The following GRIK2 variants were observed in gnomAD, a reference collection of about 807,000 sequenced individuals.
GRIK2 encodes glutamate ionotropic receptor kainate type subunit 2.
A neutral mutation model predicts 100.3 loss-of-function variants in GRIK2; 32 were observed. The observed-to-expected ratio is 0.32, with a 90% CI of 0.24 to 0.43. GRIK2 has a LOEUF of 0.43. GRIK2 is among the 20% of genes least tolerant of loss of function. GRIK2 has a pLI of 1.00. For synonymous variants in GRIK2, 417 were observed against 389.4 expected (o/e 1.07, Z -0.83); for missense variants, 843 against 1,114.9 (o/e 0.76, Z 3.47).
At chr6:101,976,338 A>G (rs1200813435) in intron 14 of GRIK2, among the ~76,000 whole-genome samples, 1 of 151,920 alleles carries the variant, frequency 6.6e-6, no homozygotes, top group Admixed American at 6.6e-5. Context: ...GATTGTTTAG[A>G]TGAGTGTGAC....
chr6:101,502,883 TATAA>T (rs1773836085), intron 2 of GRIK2, among the ~76,000 whole-genome samples: 1 of 152,136 alleles, frequency 6.6e-6, no homozygotes, highest in Admixed American at 6.6e-5. Flanking sequence ...TACTCTAGAG[TATAA>T]ATAAATTCTA....
At chr6:101,520,322 A>C (rs1457743840) in intron 2 of GRIK2, among the ~76,000 whole-genome samples, 1 of 150,766 alleles carries the variant, frequency 6.6e-6, no homozygotes, top group Non-Finnish European at 1.5e-5. Context: ...TTTTTCTTTC[A>C]TGCATTAGGC....
chr6:101,898,106 G>A (rs1397987738), intron 12 of GRIK2, among the ~76,000 whole-genome samples: 1 of 151,744 alleles, frequency 6.6e-6, no homozygotes, highest in African/African-American at 2.4e-5. Flanking sequence ...ATTAGTAACT[G>A]TGTGTTTTTA....
chr6:101,551,369 A>G (rs941597618), intron 2 of GRIK2, among the ~76,000 whole-genome samples: 1 of 152,104 alleles, frequency 6.6e-6, no homozygotes, highest in Non-Finnish European at 1.5e-5. Context: ...TTTGAATGCC[A>G]TTCTAGGTAT....
chr6:101,441,033 A>G (rs576418518), intron 2 of GRIK2, among the ~76,000 whole-genome samples: 38 of 148,176 alleles, frequency 2.6e-4, no homozygotes, highest in African/African-American at 9.5e-4. Context: ...GACAGATTGC[A>G]GTGTTGCAAT....
intron 11 of GRIK2, among the ~76,000 whole-genome samples, chr6:101,883,896 A>G (rs1786436807): frequency 1.3e-5 from 2 of 152,170 alleles, no homozygotes; most frequent in Admixed American, 6.6e-5. Context: ...TTTGTAGGCA[A>G]ACATGTTCTA....
At chr6:101,931,279 A>G (rs574246148) in intron 14 of GRIK2, among the ~76,000 whole-genome samples, 1 of 152,262 alleles carries the variant, frequency 6.6e-6, no homozygotes, top group Admixed American at 6.5e-5. Flanking sequence ...TAGTGTATTT[A>G]CATTTTATAC....
intron 5 of GRIK2, among the ~76,000 whole-genome samples, chr6:101,679,209 A>G (rs1771063632): frequency 6.6e-6 from 1 of 152,190 alleles, no homozygotes; most frequent in Non-Finnish European, 1.5e-5. Context: ...AAAATCCTAC[A>G]GTGGTGTGAA....
intron 2 of GRIK2, among the ~76,000 whole-genome samples, chr6:101,402,753 G>T (rs1285818794): frequency 6.6e-6 from 1 of 152,198 alleles, no homozygotes; most frequent in South Asian, 2.1e-4. Context: ...AGCAGAGCCT[G>T]CGACTCTCCC....
chr6:101,778,615 A>G (rs1388106773), intron 7 of GRIK2, among the ~76,000 whole-genome samples: 1 of 152,168 alleles, frequency 6.6e-6, no homozygotes, highest in Non-Finnish European at 1.5e-5. Flanking sequence ...ATTCCAAAAG[A>G]ATGACTTCTC....
chr6:101,794,926 C>T lies in GRIK2; in HGVS notation c.952-4722C>T, dbSNP rs117391713. Among the ~76,000 whole-genome samples, 15 of 149,440 alleles carry T rather than the reference C, an allele frequency of 1.0e-4. No individual in the cohort carries two copies. The East Asian group carries it at 1.6e-3, about 16-fold the overall frequency. On this transcript the variant is annotated intron_variant, in intron 7 of 16. Transcript: ENST00000369134. Reference sequence around the variant, plus strand: ...TGTCACCCAGTCTGGAATGCAGTGGCGCCATCTTGGCTGACTGCAACTTCT... The same window carrying T: ...TGTCACCCAGTCTGGAATGCAGTGGTGCCATCTTGGCTGACTGCAACTTCT...
chr6:101,710,342 G>T (rs148974587), intron 7 of GRIK2, among the ~76,000 whole-genome samples: 78 of 151,940 alleles, frequency 5.1e-4, no homozygotes, highest in African/African-American at 1.8e-3. Context: ...GGAATGGTGA[G>T]TTGAACTTCT....
At chr6:101,536,940 A>C (rs1315125826) in intron 2 of GRIK2, among the ~76,000 whole-genome samples, 2 of 151,784 alleles carry the variant, frequency 1.3e-5, no homozygotes, top group African/African-American at 4.8e-5. Flanking sequence ...CATTAGGAAT[A>C]AAAGATAAAA....
At chr6:101,985,196 A>T (rs531814131) in intron 14 of GRIK2, among the ~76,000 whole-genome samples, 1 of 151,758 alleles carries the variant, frequency 6.6e-6, no homozygotes, top group Non-Finnish European at 1.5e-5. Context: ...ATGAAAAAAA[A>T]GTAGGCCAAA....
chr6:101,409,303 GT>G (rs1223216368), intron 2 of GRIK2, among the ~76,000 whole-genome samples: 12 of 152,030 alleles, frequency 7.9e-5, no homozygotes, highest in Admixed American at 6.6e-5. Flanking sequence ...GCAATTGGCT[GT>G]AACATATAGC....
At chr6:101,497,533 G>A (rs1773511342) in intron 2 of GRIK2, among the ~76,000 whole-genome samples, 1 of 151,630 alleles carries the variant, frequency 6.6e-6, no homozygotes, top group Non-Finnish European at 1.5e-5. Flanking sequence ...TTTTAAATAA[G>A]GTGATAACAT....
intron 7 of GRIK2, among the ~76,000 whole-genome samples, chr6:101,726,411 A>G (rs878994635): frequency 8.6e-5 from 13 of 152,020 alleles, no homozygotes; most frequent in African/African-American, 2.7e-4. Flanking sequence ...CTTAATATAT[A>G]ATGTCTTCAT....
intron 2 of GRIK2, among the ~76,000 whole-genome samples, chr6:101,499,614 C>G (rs757684588): frequency 1.3e-5 from 2 of 151,990 alleles, no homozygotes; most frequent in Admixed American, 1.3e-4. Flanking sequence ...GAAATCATTG[C>G]TAATTTGTAA....
rs1775142194 is a variant in GRIK2, at chr6:101,399,169, G to T, written c.-109G>T. The T allele has an allele frequency of 3.2e-5, 23 of 714,180 alleles. 1 individual carries two copies. In the Admixed American group the frequency reaches 4.3e-4, roughly 13 times the overall value. The allele number at this position is 714,180 out of a possible 1,614,324, so 44.2% of individuals were successfully genotyped here. A position where few individuals can be genotyped will look rare whatever the true frequency, so the allele number is the denominator to read the frequency against. ...TCCTTCCTCTCTCTATGACCATGCC[G>T]TGATCGTGTCTGCGGTCACCACTCG... On this transcript the variant is annotated 5_prime_UTR_variant, in exon 2 of 17. Transcript: ENST00000369134.
Sources: gnomAD v4.1 joint callset for allele counts (sites outside exome capture counted in the v4.1 genomes callset) on GRCh38, gnomAD v4.1.1 for gene constraint, MANE v1.5 for transcripts, NCBI Gene and HGNC (gene_info 2026-07-23, HGNC 2026-07-21) for gene names.